Variants in NRXN1 observed in about 807,000 individuals in gnomAD.
The protein encoded by NRXN1 is neurexin 1.
Under a neutral mutation model 150.9 loss-of-function variants are expected in NRXN1, and 39 were observed. The observed-to-expected ratio is 0.26, with a 90% CI of 0.20 to 0.34. NRXN1 has a LOEUF of 0.34. NRXN1 is among the 10% of genes least tolerant of loss of function. The pLI, the probability that NRXN1 is intolerant of heterozygous loss-of-function variation, is 1.00. For synonymous variants in NRXN1, 924 were observed against 757.0 expected (o/e 1.22, Z -3.62); for missense variants, 1,815 against 1,949.9 (o/e 0.93, Z 1.30).
intron 5 of NRXN1, among the ~76,000 whole-genome samples, chr2:50,792,566 G>T (rs1219984174): frequency 6.6e-6 from 1 of 152,012 alleles, no homozygotes; most frequent in East Asian, 1.9e-4. Context: ...GATGGTATTG[G>T]TTGTAGTTGA....
chr2:50,856,543 G>A (rs1004827759), intron 5 of NRXN1, among the ~76,000 whole-genome samples: 4 of 151,974 alleles, frequency 2.6e-5, no homozygotes, highest in Admixed American at 6.6e-5. Flanking sequence ...TGTATTCGGT[G>A]AAAATATGTA....
At chr2:50,832,753 A>C (rs758028897) in intron 5 of NRXN1, among the ~76,000 whole-genome samples, 2 of 152,222 alleles carry the variant, frequency 1.3e-5, no homozygotes, top group Admixed American at 6.5e-5. Flanking sequence ...CTCAGATTTC[A>C]TATATTAAAT....
intron 2 of NRXN1, among the ~76,000 whole-genome samples, chr2:50,933,749 C>T (rs892673192): frequency 6.6e-6 from 1 of 152,010 alleles, no homozygotes; most frequent in Non-Finnish European, 1.5e-5. Flanking sequence ...TTTCTAGGTA[C>T]CCTAATGATT....
chr2:50,101,504 T>A (rs559044064), intron 18 of NRXN1, among the ~76,000 whole-genome samples: 2 of 152,152 alleles, frequency 1.3e-5, no homozygotes, highest in South Asian at 4.1e-4. Flanking sequence ...CAAATTTCCA[T>A]AGCACAAAGC....
rs145816304 is a variant in NRXN1, at chr2:50,579,269, A to T, written c.1321-26244T>A. Among the ~76,000 whole-genome samples the T allele has an allele frequency of 3.0e-3, 464 of 152,334 alleles. 1 individual carries two copies. Among genetic ancestry groups the T allele is most frequent in the Non-Finnish European group, 5.0e-3 (339 of 68,030 alleles). On this transcript the variant is annotated intron_variant, in intron 8 of 22. Transcript: ENST00000401669. ...TACTAAGTCTAGGATGGGATTGATT[A>T]CATTTTGTACTTTTATTCTAGAGGT...
At chr2:50,946,707 C>T (rs1417303521) in intron 2 of NRXN1, among the ~76,000 whole-genome samples, 3 of 152,052 alleles carry the variant, frequency 2.0e-5, no homozygotes, top group African/African-American at 7.2e-5. Context: ...AAAAATTACA[C>T]TCACCTCAAT....
At chr2:50,353,859 C>T (rs559994800) in intron 17 of NRXN1, among the ~76,000 whole-genome samples, 4 of 152,220 alleles carry the variant, frequency 2.6e-5, no homozygotes, top group Non-Finnish European at 4.4e-5. Flanking sequence ...AGAACATACA[C>T]TAGAGGGGCT....
intron 5 of NRXN1, among the ~76,000 whole-genome samples, chr2:50,812,298 T>C (rs937691988): frequency 4.6e-5 from 7 of 152,146 alleles, no homozygotes; most frequent in African/African-American, 1.7e-4. Flanking sequence ...AATTAAATAT[T>C]TAAATACATG....
At chr2:50,884,865 A>G (rs1679988866) in intron 5 of NRXN1, among the ~76,000 whole-genome samples, 1 of 151,576 alleles carries the variant, frequency 6.6e-6, no homozygotes, top group African/African-American at 2.4e-5. Context: ...TATAAACGCA[A>G]AAGTAGCAAT....
intron 5 of NRXN1, among the ~76,000 whole-genome samples, chr2:50,894,331 A>G (rs1475225968): frequency 6.7e-6 from 1 of 148,442 alleles, no homozygotes; most frequent in East Asian, 2.0e-4. Context: ...AATAAAACCA[A>G]AAAAAAAAAC....
At chr2:49,999,331 C>A (rs1683521978) in intron 21 of NRXN1, among the ~76,000 whole-genome samples, 1 of 152,090 alleles carries the variant, frequency 6.6e-6, no homozygotes. Context: ...CTGACACCAC[C>A]ACATAAACAT....
chr2:50,962,871 C>A (rs186246714), intron 2 of NRXN1, among the ~76,000 whole-genome samples: 18 of 151,638 alleles, frequency 1.2e-4, no homozygotes, highest in Non-Finnish European at 5.9e-5. Context: ...CCAGCAAGTA[C>A]TGAATATGTT....
chr2:50,541,633 C>G (rs1008040400), intron 9 of NRXN1, among the ~76,000 whole-genome samples: 9 of 152,014 alleles, frequency 5.9e-5, no homozygotes, highest in Admixed American at 2.6e-4. Flanking sequence ...CTTGAGTTTT[C>G]TGAACACGGT....
chr2:51,004,805 T>A (rs1700509276), intron 2 of NRXN1, among the ~76,000 whole-genome samples: 1 of 151,926 alleles, frequency 6.6e-6, no homozygotes, highest in African/African-American at 2.4e-5. Flanking sequence ...TAGAGGAGAA[T>A]TTTCTTGTGC....
chr2:50,243,381 C>G (rs1366455647), intron 17 of NRXN1, among the ~76,000 whole-genome samples: 1 of 151,504 alleles, frequency 6.6e-6, no homozygotes, highest in Non-Finnish European at 1.5e-5. Flanking sequence ...TATGTTCTGT[C>G]AAAACTCTAG....
chr2:50,775,009 A>G (rs2105473682), intron 5 of NRXN1, among the ~76,000 whole-genome samples: 1 of 152,272 alleles, frequency 6.6e-6, no homozygotes, highest in South Asian at 2.1e-4. Flanking sequence ...CCACTAGTAT[A>G]TTAATTCTTA....
At chr2:50,716,860 A>G (rs750924069) in intron 5 of NRXN1, among the ~76,000 whole-genome samples, 2 of 152,144 alleles carry the variant, frequency 1.3e-5, no homozygotes, top group Non-Finnish European at 2.9e-5. Flanking sequence ...AATTCCTATA[A>G]TATTTTATGA....
rs2105334815 is a variant in NRXN1, at chr2:51,028,217, C to T, written c.57G>A (p.Leu19=). Residue 19 remains leucine (L), a synonymous_variant, in exon 2 of 23, where the codon CTG becomes CTA. Coordinates refer to ENST00000401669, the MANE Select transcript of NRXN1 (RefSeq NM_001330078.2). The part of the protein sequence containing the change: ...GGCFLLCLSL[L]LLGCWAELGS... ...CCAGCTCCGCCCAGCAGCCCAGGAGCAGCAGCGAGAGGCACAGAAGAAAAC... is the reference window on the plus strand; with the variant it reads ...CCAGCTCCGCCCAGCAGCCCAGGAGTAGCAGCGAGAGGCACAGAAGAAAAC... The T allele has an allele frequency of 6.8e-7, 1 of 1,480,998 alleles. No individual in the cohort carries two copies. 91.7% of individuals were successfully genotyped at this position (1,480,998 alleles called of 1,614,324 possible). A position where few individuals can be genotyped will look rare whatever the true frequency, so the allele number is the denominator to read the frequency against.
chr2:50,247,199 A>T (rs975742101), intron 17 of NRXN1, among the ~76,000 whole-genome samples: 26 of 152,082 alleles, frequency 1.7e-4, no homozygotes, highest in Admixed American at 1.2e-3. Flanking sequence ...AAGAAAAAAC[A>T]TGGTCGACTT....
Sources: gnomAD v4.1 joint callset for allele counts (sites outside exome capture counted in the v4.1 genomes callset) on GRCh38, gnomAD v4.1.1 for gene constraint, MANE v1.5 for transcripts, NCBI Gene and HGNC (gene_info 2026-07-23, HGNC 2026-07-21) for gene names.